PDE7A: variants seen among roughly 807,000 people sequenced by gnomAD.
The protein encoded by PDE7A is phosphodiesterase 7A.
Under a neutral mutation model 64.3 loss-of-function variants are expected in PDE7A, and 39 were observed. That is an observed-to-expected ratio of 0.61 (90% CI 0.47 to 0.79). The LOEUF is 0.79. Ranked by LOEUF, PDE7A falls within the 30% of genes least tolerant of loss-of-function variation. The pLI, the probability that PDE7A is intolerant of heterozygous loss-of-function variation, is 0.00. For synonymous variants in PDE7A, 203 were observed against 206.8 expected (o/e 0.98, Z 0.16); for missense variants, 470 against 582.8 (o/e 0.81, Z 1.99).
At chr8:65,735,999 AG>A (rs1187634739) in intron 6 of PDE7A, among the ~76,000 whole-genome samples, 7 of 152,186 alleles carry the variant, frequency 4.6e-5, no homozygotes, top group Non-Finnish European at 1.0e-4. Context: ...CAAGACCCCC[AG>A]TGGATGCCTG....
chr8:65,802,872 G>A (rs949642826), intron 1 of PDE7A, among the ~76,000 whole-genome samples: 4 of 152,080 alleles, frequency 2.6e-5, no homozygotes, highest in Admixed American at 6.6e-5. Context: ...GAAAGGGTCC[G>A]GGCCATCCCC....
At position 65,717,050 on chromosome 8, in the gene PDE7A, T is replaced by C. The variant is rs1355318971; in HGVS notation, c.*2240A>G. Among the ~76,000 whole-genome samples the C allele has an allele frequency of 6.6e-6, 1 of 152,194 alleles. No homozygotes were observed. Among genetic ancestry groups the C allele is most frequent in the Non-Finnish European group, 1.5e-5 (1 of 68,034 alleles). The stretch of plus-strand genomic sequence containing the variant: ...CCCAAAAGAATGTAAAAACATCTAA[T>C]TGTTTTTATATTGACATTTTAAAGT... On this transcript the variant is annotated 3_prime_UTR_variant, in exon 13 of 13. Coordinates refer to ENST00000401827, the MANE Select transcript of PDE7A (RefSeq NM_001242318.3).
At chr8:65,747,164 G>A (rs1193124250) in intron 4 of PDE7A, among the ~76,000 whole-genome samples, 1 of 152,068 alleles carries the variant, frequency 6.6e-6, no homozygotes, top group Non-Finnish European at 1.5e-5. Context: ...TGAAAGTCAC[G>A]AGACCTTTGT....
At chr8:65,811,767 G>T (rs1810264246) in intron 1 of PDE7A, among the ~76,000 whole-genome samples, 1 of 152,168 alleles carries the variant, frequency 6.6e-6, no homozygotes, top group East Asian at 1.9e-4. Context: ...ACAAATGATA[G>T]ATTCTTCTAG....
At chr8:65,837,726 A>G (rs1279823699) in intron 1 of PDE7A, among the ~76,000 whole-genome samples, 4 of 152,244 alleles carry the variant, frequency 2.6e-5, no homozygotes. Flanking sequence ...TCTCACACTT[A>G]CACAAATGTA....
intron 1 of PDE7A, among the ~76,000 whole-genome samples, chr8:65,801,027 T>C (rs1199388187): frequency 6.6e-6 from 1 of 152,134 alleles, no homozygotes; most frequent in African/African-American, 2.4e-5. Context: ...GATAGAGTCG[T>C]GCACCCCTTT....
intron 3 of PDE7A, among the ~76,000 whole-genome samples, chr8:65,767,333 C>G (rs1361670091): frequency 1.3e-5 from 2 of 152,214 alleles, no homozygotes; most frequent in African/African-American, 4.8e-5. Context: ...ACTGTGCTTT[C>G]TGTTGTATAA....
chr8:65,733,670 G>A (rs941219305), intron 7 of PDE7A, among the ~76,000 whole-genome samples: 3 of 152,060 alleles, frequency 2.0e-5, no homozygotes, highest in Non-Finnish European at 2.9e-5. Context: ...TGTCAAAACC[G>A]TACACATAAA....
chr8:65,765,498 A>G (rs1219469508), intron 3 of PDE7A: 3 of 144,166 alleles, frequency 2.1e-5, no homozygotes, highest in African/African-American at 7.9e-5. Context: ...CAAAAAAAAA[A>G]AAAAAAAAAA....
Position 65,811,308 on chromosome 8 carries a change from C to A in PDE7A, c.139-28465G>T, listed in dbSNP as rs1414246283. 2.0e-5 allele frequency among the ~76,000 whole-genome samples: 3 copies of A among 152,300 alleles called. No homozygotes were observed. In the East Asian group the frequency reaches 5.8e-4, roughly 29 times the overall value. On this transcript the variant is annotated intron_variant, in intron 1 of 12. Coordinates refer to ENST00000401827, the MANE Select transcript of PDE7A (RefSeq NM_001242318.3). ...TAGCAATAGTGGGAAGATGTTACTA[C>A]TGAACCCTAGTGAAGACTCTCACTG...
chr8:65,836,603 C>T (rs1470471082), intron 1 of PDE7A, among the ~76,000 whole-genome samples: 1 of 152,170 alleles, frequency 6.6e-6, no homozygotes, highest in Non-Finnish European at 1.5e-5. Context: ...TTGCATACAT[C>T]AACGAAAACC....
At chr8:65,764,824 AT>A (rs1176459883) in intron 3 of PDE7A, among the ~76,000 whole-genome samples, 5 of 152,254 alleles carry the variant, frequency 3.3e-5, no homozygotes, top group Admixed American at 3.3e-4. Flanking sequence ...ACTAAGCGAA[AT>A]TTAGGGAAAA....
intron 1 of PDE7A, among the ~76,000 whole-genome samples, chr8:65,840,724 G>A (rs532707367): frequency 4.1e-4 from 63 of 152,246 alleles, no homozygotes; most frequent in Non-Finnish European, 7.5e-4. Flanking sequence ...GTCTTCCCAT[G>A]AGTGTACATC....
intron 6 of PDE7A, 37 bp from the exon 7 acceptor site, chr8:65,734,931 T>C (rs1436978056): frequency 7.8e-7 from 1 of 1,277,756 alleles, no homozygotes; most frequent in Non-Finnish European, 1.1e-6. Context: ...TTATTGTATA[T>C]GAGCAACATA....
chr8:65,817,417 A>G (rs1009312035), intron 1 of PDE7A, among the ~76,000 whole-genome samples: 2 of 150,644 alleles, frequency 1.3e-5, no homozygotes, highest in Non-Finnish European at 2.9e-5. Context: ...CAGAAATAAC[A>G]AATTTCCATT....
At chr8:65,816,040 G>T (rs1037864901) in intron 1 of PDE7A, among the ~76,000 whole-genome samples, 1 of 151,762 alleles carries the variant, frequency 6.6e-6, no homozygotes, top group African/African-American at 2.4e-5. Flanking sequence ...ACTTCATTTT[G>T]GAAAATATCT....
intron 1 of PDE7A, among the ~76,000 whole-genome samples, chr8:65,785,212 C>T (rs1809517086): frequency 6.6e-6 from 1 of 152,232 alleles, no homozygotes; most frequent in South Asian, 2.1e-4. Context: ...AAAATTCTAA[C>T]TATCACCACT....
chr8:65,725,362 T>C (rs2129065907), intron 9 of PDE7A: 1 of 155,624 alleles, frequency 6.4e-6, no homozygotes, highest in Admixed American at 6.5e-5. Context: ...GAAAGAATAA[T>C]GGCCCATTCA....
chr8:65,736,771 C>T (rs1420207046), intron 6 of PDE7A, among the ~76,000 whole-genome samples: 1 of 142,354 alleles, frequency 7.0e-6, no homozygotes, highest in Non-Finnish European at 1.5e-5. Flanking sequence ...CTCAAAAGCC[C>T]TATGTAATAA....
Sources: gnomAD v4.1 joint callset for allele counts (sites outside exome capture counted in the v4.1 genomes callset) on GRCh38, gnomAD v4.1.1 for gene constraint, MANE v1.5 for transcripts, NCBI Gene and HGNC (gene_info 2026-07-23, HGNC 2026-07-21) for gene names.